The following PREPL variants were observed in gnomAD, a reference collection of about 807,000 sequenced individuals.
PREPL encodes the protein prolyl endopeptidase like.
PREPL carries 77 observed loss-of-function variants against 70.6 expected under a neutral mutation model. The ratio of observed to expected loss-of-function variants is 1.09; its 90% CI spans 0.91 to 1.32. PREPL has a LOEUF of 1.32. PREPL is among the 40% of genes most tolerant of loss of function. PREPL has a pLI of 0.00. For synonymous variants in PREPL, 315 were observed against 264.8 expected (o/e 1.19, Z -1.84); for missense variants, 1,002 against 778.2 (o/e 1.29, Z -3.42).
chr2:44,346,023 GAATT>G (rs748356866), intron 2 of PREPL, among the ~76,000 whole-genome samples: 25 of 151,850 alleles, frequency 1.6e-4, no homozygotes, highest in Non-Finnish European at 3.2e-4. Context: ...GCAAAAACCA[GAATT>G]AATATATTAC....
At chr2:44,323,142 T>A in intron 11 of PREPL, 120 bp downstream of exon 11, 1 of 994,106 alleles carries the variant, frequency 1.0e-6, no homozygotes, top group East Asian at 2.5e-5. Flanking sequence ...CTGAAGATAT[T>A]TGGGCATCAT....
chr2:44,353,796 C>T (rs946951748), intron 1 of PREPL, among the ~76,000 whole-genome samples: 1 of 152,074 alleles, frequency 6.6e-6, no homozygotes, highest in East Asian at 1.9e-4. Context: ...GTTGCTCAGA[C>T]AATGGATATC....
chr2:44,319,510 TTA>T lies in PREPL; in HGVS notation c.*1844_*1845del, dbSNP rs1442524728. The T allele has an allele frequency of 6.6e-6, 1 of 152,276 alleles. No homozygotes were observed. Among genetic ancestry groups the T allele is most frequent in the Admixed American group, 6.5e-5 (1 of 15,274 alleles). 9.4% of individuals were successfully genotyped at this position (152,276 alleles called of 1,614,324 possible). On this transcript the variant is annotated 3_prime_UTR_variant, in exon 14 of 14. Coordinates refer to ENST00000409411, the MANE Select transcript of PREPL (RefSeq NM_001171613.2). ...ATTAAAAACATTTATGGAGGCTATA[TTA>T]TATAGTCAATAACAGAAAATGCTTG...
chr2:44,358,337 C>A (rs1049866603), intron 1 of PREPL, among the ~76,000 whole-genome samples: 1 of 151,786 alleles, frequency 6.6e-6, no homozygotes, highest in African/African-American at 2.4e-5. Context: ...ATATTTTACC[C>A]GAAGAAAGGA....
rs551948466 is a variant in PREPL at position 44,341,649 on chromosome 2, CT to C, written c.485+767del. On this transcript the variant is annotated intron_variant, in intron 5 of 13. Transcript: ENST00000409411. ...GAAATATAAAGAACTAGACATTAAT[CT>C]TTTTTTCCAATTATTTCTATCGACA... Among the ~76,000 whole-genome samples, 511 of 151,638 alleles carry C rather than the reference CT, an allele frequency of 3.4e-3. 2 individuals are homozygous for C. The highest frequency in any genetic ancestry group is 0.012 in the African/African-American group (482 of 41,382).
intron 8 of PREPL, among the ~76,000 whole-genome samples, chr2:44,331,225 G>A (rs1171696424): frequency 6.6e-6 from 1 of 152,148 alleles, no homozygotes; most frequent in Non-Finnish European, 1.5e-5. Context: ...TTACAAGTTT[G>A]AGCCACTGTG....
chr2:44,328,879 C>G (rs1264368500), intron 9 of PREPL, 58 bp downstream of exon 9: 1 of 1,445,896 alleles, frequency 6.9e-7, no homozygotes, highest in Non-Finnish European at 9.3e-7. Flanking sequence ...TATTGTTATT[C>G]TTGACATCTC....
chr2:44,354,131 G>C (rs558972131), intron 1 of PREPL, among the ~76,000 whole-genome samples: 4 of 152,236 alleles, frequency 2.6e-5, no homozygotes, highest in African/African-American at 7.2e-5. Context: ...ACTCCAGCCT[G>C]AGCAACAGAG....
chr2:44,322,799 T>A lies in PREPL; in HGVS notation c.1685A>T (p.Lys562Ile), dbSNP rs377760743. Reference protein sequence around the residue: ...AYENDERVPLKGIVSYTEKLK... With the variant: ...AYENDERVPLIGIVSYTEKLK... ...TTTCTCAGTATAACTTACAATTCCT[T>A]TCAGAGGTACCCGTTCATCGTTTTC... Residue 562 changes from lysine (K) to isoleucine (I), a missense_variant, in exon 12 of 14, where the codon AAA becomes ATA. Transcript: ENST00000409411. 3.1e-5 allele frequency: 50 copies of A among 1,613,794 alleles called. No individual in the cohort carries two copies. The highest frequency in any genetic ancestry group is 4.2e-5 in the Non-Finnish European group (49 of 1,179,826).
chr2:44,340,199 T>C, intron 5 of PREPL, among the ~76,000 whole-genome samples: 1 of 152,196 alleles, frequency 6.6e-6, no homozygotes, highest in Non-Finnish European at 1.5e-5. Flanking sequence ...AATTTAGATT[T>C]TAATGTTTCA....
At position 44,326,595 on chromosome 2, in the gene PREPL, G is replaced by A. The variant is rs10183231; in HGVS notation, c.1479+117C>T. 0.99 allele frequency: 1,071,275 copies of A among 1,080,912 alleles called. 530,880 individuals are homozygous for A. The highest frequency in any genetic ancestry group is 1 in the East Asian group (41,799 of 41,802). The allele number at this position is 1,080,912 out of a possible 1,614,324, so 67.0% of individuals were successfully genotyped here. A position where few individuals can be genotyped will look rare whatever the true frequency, so the allele number is the denominator to read the frequency against. ...AGCAATCTGCCCACCTCAGTTTCCC[G>A]AAGTGCTGGGATTACAGGCATGAGC... On this transcript the variant is annotated intron_variant, in intron 10 of 13. Coordinates refer to ENST00000409411, the MANE Select transcript of PREPL (RefSeq NM_001171613.2).
At chr2:44,349,495 T>C (rs1048140029) in intron 1 of PREPL, among the ~76,000 whole-genome samples, 4 of 152,064 alleles carry the variant, frequency 2.6e-5, no homozygotes, top group African/African-American at 9.7e-5. Context: ...CAGAATGCAA[T>C]ATGAAGCATT....
At position 44,321,383 on chromosome 2, in the gene PREPL, C is replaced by G. The variant is rs1447849283; in HGVS notation, c.1890G>C (p.Glu630Asp). ...AGAATTTCAGGTATTTCTTAAGATCCTCGAAAACACTGGTGCTGTCAAGTC... is the reference window on the plus strand; with the variant it reads ...AGAATTTCAGGTATTTCTTAAGATCGTCGAAAACACTGGTGCTGTCAAGTC... Reference protein sequence around the residue: ...ELGLDSTSVFEDLKKYLKF With the variant: ...ELGLDSTSVFDDLKKYLKF Residue 630 changes from glutamate to aspartate, a missense_variant, in exon 14 of 14, where the codon GAG becomes GAC. Glu to Asp is a conservative substitution (Grantham distance 45). Transcript: ENST00000409411. 1 of 1,611,704 alleles carries G rather than the reference C, an allele frequency of 6.2e-7. No homozygotes were observed. Among genetic ancestry groups the G allele is most frequent in the Non-Finnish European group, 8.5e-7 (1 of 1,178,184 alleles).
Position 44,332,596 on chromosome 2 carries a change from A to AG in PREPL, c.948dup (p.Phe317LeufsTer24). ...GGACGTATTGGAGAGCAAAGTTGAAAGGGGCAGTTCTTTGGGTCAGAATTT... is the reference window on the plus strand; with the variant it reads ...GGACGTATTGGAGAGCAAAGTTGAAAGGGGGCAGTTCTTTGGGTCAGAATTT... On this transcript the variant is annotated frameshift_variant, in exon 8 of 14. Transcript: ENST00000409411. LOFTEE classifies it high-confidence loss of function. 1 of 1,613,998 alleles carries AG rather than the reference A, an allele frequency of 6.2e-7. No individual in the cohort carries two copies. The highest frequency in any genetic ancestry group is 8.5e-7 in the Non-Finnish European group (1 of 1,179,874).
At chr2:44,321,722 T>A (rs769433508) in intron 13 of PREPL, 105 bp downstream of exon 13, 1 of 1,600,780 alleles carries the variant, frequency 6.2e-7, no homozygotes, top group Non-Finnish European at 8.5e-7. Flanking sequence ...AGATAGGACA[T>A]TTGTGAAGTG....
intron 8 of PREPL, among the ~76,000 whole-genome samples, chr2:44,330,853 G>C (rs1001718922): frequency 1.3e-5 from 2 of 152,076 alleles, no homozygotes; most frequent in African/African-American, 4.8e-5. Flanking sequence ...ATGGATATTT[G>C]TTATTTCCTT....
chr2:44,321,771 AAAC>A (rs1672978902), intron 13 of PREPL, 53 bp downstream of exon 13: 2 of 1,613,632 alleles, frequency 1.2e-6, no homozygotes, highest in South Asian at 1.1e-5. Context: ...GAAAATGTGA[AAAC>A]AACATGTATC....
chr2:44,345,326 T>C (rs1224202821), intron 2 of PREPL, among the ~76,000 whole-genome samples: 2 of 152,132 alleles, frequency 1.3e-5, no homozygotes, highest in South Asian at 2.1e-4. Flanking sequence ...GGTTCAATTT[T>C]CCAATCTTAT....
rs550953255 is a variant in PREPL, at chr2:44,320,771, G to A, written c.*585C>T. The A allele has an allele frequency of 1.2e-5, 9 of 747,818 alleles. No homozygotes were observed. The highest frequency in any genetic ancestry group is 3.1e-5 in the South Asian group (2 of 64,328). 46.3% of individuals were successfully genotyped at this position (747,818 alleles called of 1,614,324 possible). ...ATATTTCTGTAGCTTGAATGTAACTGCTTTAAGAAAGGTTCTCAAATGTTT... is the reference window on the plus strand; with the variant it reads ...ATATTTCTGTAGCTTGAATGTAACTACTTTAAGAAAGGTTCTCAAATGTTT... On this transcript the variant is annotated 3_prime_UTR_variant, in exon 14 of 14. Coordinates refer to ENST00000409411, the MANE Select transcript of PREPL (RefSeq NM_001171613.2).
Sources: allele counts gnomAD v4.1 joint callset (sites outside exome capture counted in the v4.1 genomes callset), GRCh38; gene constraint gnomAD v4.1.1; transcripts MANE v1.5; gene names NCBI Gene and HGNC (gene_info 2026-07-23, HGNC 2026-07-21).